Variants in ERICH3 observed in about 807,000 individuals in gnomAD.
ERICH3 encodes the protein glutamate rich 3, also known as glutamate-rich protein 3.
A neutral mutation model predicts 131.1 loss-of-function variants in ERICH3; 126 were observed. That is an observed-to-expected ratio of 0.96 (90% CI 0.83 to 1.11). The LOEUF is 1.11. ERICH3 is among the 50% of genes most tolerant of loss of function. The pLI is 0.00. For synonymous variants in ERICH3, 695 were observed against 644.6 expected, an observed-to-expected ratio of 1.08 and a Z score of -1.18; for missense variants, 2,050 against 1,810.7, an observed-to-expected ratio of 1.13 and a Z score of -2.40.
chr1:74,574,381 T>C (rs1210616934), intron 13 of ERICH3, among the ~76,000 whole-genome samples: 5 of 152,180 alleles, frequency 3.3e-5, no homozygotes, highest in Admixed American at 2.6e-4. Flanking sequence ...CATTATACAG[T>C]GTGAACTGAT....
rs569983891 is a variant in ERICH3 at position 74,635,120 on chromosome 1, C to T, written c.603+1160G>A. On this transcript the variant is annotated intron_variant, in intron 6 of 14. Transcript: ENST00000326665. ...TTCGTTTAGTTAGCCTGGACAGTCTCACAAGATGTGACTATTCCTGGACCC... is the reference window on the plus strand; with the variant it reads ...TTCGTTTAGTTAGCCTGGACAGTCTTACAAGATGTGACTATTCCTGGACCC... Among the ~76,000 whole-genome samples the T allele has an allele frequency of 2.0e-5, 3 of 152,192 alleles. No homozygotes were observed. In the South Asian group the frequency reaches 6.2e-4, roughly 32 times the overall value.
In ERICH3 at chr1:74,599,898, T is replaced by G. The variant is rs1370615310; in HGVS notation, c.1523A>C (p.Lys508Thr). 1.2e-6 allele frequency: 2 copies of G among 1,611,646 alleles called. No homozygotes were observed. The highest frequency in any genetic ancestry group is 1.7e-6 in the Non-Finnish European group (2 of 1,178,658). Reference protein sequence around the residue: ...YEEDFEVDEEKQGEKSNEEGQ... With the variant: ...YEEDFEVDEETQGEKSNEEGQ... The stretch of plus-strand genomic sequence containing the variant: ...TTCTTCATTAGATTTTTCACCTTGT[T>G]TCTCCTCATCTACTTCAAAGTCTTC... The change falls in exon 11 of 15, where the codon AAA becomes ACA. Residue 508 changes from lysine (K) to threonine (T), a missense_variant. Coordinates refer to ENST00000326665, the MANE Select transcript of ERICH3 (RefSeq NM_001002912.5).
chr1:74,620,682 A>T, intron 8 of ERICH3, 52 bp downstream of exon 8: 1 of 1,409,110 alleles, frequency 7.1e-7, no homozygotes, highest in Non-Finnish European at 9.6e-7. Flanking sequence ...ACAGCAGCTT[A>T]TCTATAACAT....
chr1:74,605,002 G>A (rs935551858), intron 10 of ERICH3, among the ~76,000 whole-genome samples: 1 of 151,652 alleles, frequency 6.6e-6, no homozygotes, highest in African/African-American at 2.4e-5. Flanking sequence ...CCAATGTAAG[G>A]CTTTTTCATC....
intron 13 of ERICH3, among the ~76,000 whole-genome samples, chr1:74,573,943 T>C (rs1348020709): frequency 6.6e-6 from 1 of 151,246 alleles, no homozygotes; most frequent in South Asian, 2.1e-4. Context: ...ATAAGAAAAA[T>C]AGCATTTAAT....
At position 74,606,500 on chromosome 1, in the gene ERICH3, G is replaced by A. The variant is rs1427100091; in HGVS notation, c.1489+101C>T. On this transcript the variant is annotated intron_variant, in intron 10 of 14. Coordinates refer to ENST00000326665, the MANE Select transcript of ERICH3 (RefSeq NM_001002912.5). ...GGGCACCCCACATGTAACACAGCTG[G>A]GTAACATTTAATGGGTATTTTTGAA... 16 of 1,226,990 alleles carry A rather than the reference G, an allele frequency of 1.3e-5. No individual in the cohort carries two copies. In the Admixed American group the frequency reaches 3.0e-4, roughly 23 times the overall value. The allele number at this position is 1,226,990 out of a possible 1,614,324, so 76.0% of individuals were successfully genotyped here.
rs1252163779 is a variant in ERICH3, at chr1:74,606,905, A to G, written c.1188-3T>C. ...CAAGGCCCATTGCAATAATGCACCT[A>G]TGAAAAATATTAGCAGGAAGTGTTT... On this transcript the variant is annotated splice_polypyrimidine_tract_variant and splice_region_variant and intron_variant, in intron 9 of 14. Transcript: ENST00000326665. 5.0e-6 allele frequency: 8 copies of G among 1,606,832 alleles called. No individual in the cohort carries two copies. Among genetic ancestry groups the G allele is most frequent in the South Asian group, 1.1e-5 (1 of 89,704 alleles).
intron 2 of ERICH3, among the ~76,000 whole-genome samples, chr1:74,648,801 G>C (rs1028445885): frequency 6.6e-6 from 1 of 152,040 alleles, no homozygotes; most frequent in Non-Finnish European, 1.5e-5. Context: ...TTTTAAATTT[G>C]GGGGAAATGT....
At chr1:74,613,694 C>T (rs1648812081) in intron 8 of ERICH3, among the ~76,000 whole-genome samples, 1 of 152,148 alleles carries the variant, frequency 6.6e-6, no homozygotes, top group South Asian at 2.1e-4. Flanking sequence ...AGAACCACTG[C>T]TTACAATTAA....
At chr1:74,633,134 G>A (rs1464610841) in intron 6 of ERICH3, among the ~76,000 whole-genome samples, 1 of 126,982 alleles carries the variant, frequency 7.9e-6, no homozygotes, top group African/African-American at 3.2e-5. Flanking sequence ...TATGCTTATT[G>A]GTGAAAAATT....
intron 1 of ERICH3, among the ~76,000 whole-genome samples, chr1:74,664,404 T>C (rs1217175817): frequency 6.6e-6 from 1 of 151,954 alleles, no homozygotes; most frequent in Non-Finnish European, 1.5e-5. Flanking sequence ...TTTATTTCAA[T>C]CTAAACAACA....
chr1:74,572,085 G>A lies in ERICH3; in HGVS notation c.3625C>T (p.Arg1209Cys), dbSNP rs762258316. 1 of 1,614,172 alleles carries A rather than the reference G, an allele frequency of 6.2e-7. No individual in the cohort carries two copies. The highest frequency in any genetic ancestry group is 8.5e-7 in the Non-Finnish European group (1 of 1,180,024). Reference sequence around the variant, plus strand: ...GCTAAGGCCCCCTCTCCATCTTGGCGGTGCCCTTCCTTCAGGGCCCTATTC... The same window carrying A: ...GCTAAGGCCCCCTCTCCATCTTGGCAGTGCCCTTCCTTCAGGGCCCTATTC... ...RENRALKEGH[R>C]QDGEGALAAP... Residue 1209 changes from arginine to cysteine, a missense_variant, in exon 14 of 15, where the codon CGC becomes TGC. Arg to Cys is a radical substitution (Grantham distance 180). Transcript: ENST00000326665.
intron 12 of ERICH3, 127 bp downstream of exon 12, chr1:74,589,504 A>G (rs988756932): frequency 1.1e-6 from 1 of 907,436 alleles, no homozygotes; most frequent in Non-Finnish European, 1.7e-6. Context: ...AGAGAGACAC[A>G]GCAAAAAATC....
At chr1:74,663,640 A>G in intron 1 of ERICH3, among the ~76,000 whole-genome samples, 1 of 148,510 alleles carries the variant, frequency 6.7e-6, no homozygotes, top group Middle Eastern at 3.5e-3. Context: ...AAAAAAAAAA[A>G]AGAAGTCTTC....
intron 12 of ERICH3, among the ~76,000 whole-genome samples, chr1:74,587,518 C>T (rs1033020156): frequency 5.3e-5 from 8 of 151,542 alleles, no homozygotes; most frequent in Admixed American, 5.3e-4. Flanking sequence ...TTTACAAACC[C>T]AGAGAAAAAA....
At chr1:74,670,424 T>G (rs1646730416) in intron 1 of ERICH3, among the ~76,000 whole-genome samples, 1 of 152,184 alleles carries the variant, frequency 6.6e-6, no homozygotes, top group Non-Finnish European at 1.5e-5. Context: ...ATGCTACCTC[T>G]AGAAACTTCT....
intron 5 of ERICH3, among the ~76,000 whole-genome samples, chr1:74,639,271 G>A (rs536110134): frequency 3.3e-5 from 5 of 152,266 alleles, no homozygotes; most frequent in African/African-American, 1.2e-4. Context: ...CGAAATTTAA[G>A]AGAACAGTTT....
intron 11 of ERICH3, among the ~76,000 whole-genome samples, chr1:74,596,698 C>A (rs938152636): frequency 1.3e-5 from 2 of 152,040 alleles, no homozygotes; most frequent in African/African-American, 4.8e-5. Context: ...TTATAACATT[C>A]ATCTATGACA....
intron 9 of ERICH3, among the ~76,000 whole-genome samples, 178 bp from the exon 10 acceptor site, chr1:74,607,080 CT>C (rs1341955014): frequency 1.3e-5 from 2 of 151,894 alleles, no homozygotes; most frequent in East Asian, 1.9e-4. Flanking sequence ...ATAAACTATT[CT>C]TTTTTGATAC....
Sources: gnomAD v4.1 joint callset for allele counts (sites outside exome capture counted in the v4.1 genomes callset) on GRCh38, gnomAD v4.1.1 for gene constraint, MANE v1.5 for transcripts, NCBI Gene and HGNC (gene_info 2026-07-23, HGNC 2026-07-21) for gene names.